The following STT3A variants were observed in gnomAD, a reference collection of about 807,000 sequenced individuals.
The protein encoded by STT3A is dolichyl-diphosphooligosaccharide--protein glycosyltransferase subunit STT3A.
A neutral mutation model predicts 89.2 loss-of-function variants in STT3A; 34 were observed. The observed-to-expected ratio is 0.38, with a 90% CI of 0.29 to 0.51. The LOEUF is 0.51. STT3A is among the 20% of genes least tolerant of loss of function. STT3A has a pLI of 0.89. For synonymous variants in STT3A, 282 were observed against 310.3 expected (o/e 0.91, Z 0.96); for missense variants, 555 against 889.5 (o/e 0.62, Z 4.78).
rs1404166708 is a variant in STT3A, at chr11:125,595,892, G to A, written c.-24G>A. 2 of 1,526,014 alleles carry A rather than the reference G, an allele frequency of 1.3e-6. No individual in the cohort carries two copies. The highest frequency in any genetic ancestry group is 1.8e-6 in the Non-Finnish European group (2 of 1,102,426). 94.5% of individuals were successfully genotyped at this position (1,526,014 alleles called of 1,614,324 possible). On this transcript the variant is annotated 5_prime_UTR_variant, in exon 2 of 18. It adds an upstream start codon to the 5' untranslated region. Transcript: ENST00000392708. ...CTTTTTCATTTTAGCTGATCGTCGT[G>A]TGTTGCCACCCATTCATGTCAAGAT...
rs537718717 is a variant in STT3A, at chr11:125,596,709, T to G, written c.89-350T>G. Among the ~76,000 whole-genome samples the G allele has an allele frequency of 1.1e-3, 165 of 151,640 alleles. No homozygotes were observed. In the South Asian group the frequency reaches 0.014, roughly 13 times the overall value. ...TAATTTTGCTTGCCATACCTATTACTTTGCTCCAAGGTTAAGGTTAGTTAT... is the reference window on the plus strand; with the variant it reads ...TAATTTTGCTTGCCATACCTATTACGTTGCTCCAAGGTTAAGGTTAGTTAT... On this transcript the variant is annotated intron_variant, in intron 2 of 17. Coordinates refer to ENST00000392708, the MANE Select transcript of STT3A (RefSeq NM_152713.5).
upstream of STT3A, chr11:125,591,948 C>T (rs1004011379): frequency 5.0e-5 from 8 of 160,794 alleles, 1 homozygote; most frequent in South Asian, 1.0e-3. Context: ...CCTTCTCTGC[C>T]CTCAGCAAAC....
At chr11:125,612,472 CT>C (rs1382896082) in intron 11 of STT3A, 119 bp from the exon 12 acceptor site, 2 of 1,149,932 alleles carry the variant, frequency 1.7e-6, no homozygotes, top group African/African-American at 3.1e-5. Flanking sequence ...TTCTCTTTCA[CT>C]TTTTGTGGAG....
Position 125,595,801 on chromosome 11 carries a change from A to T in STT3A, c.-35-80A>T. 8.2e-6 allele frequency: 6 copies of T among 733,696 alleles called. No individual in the cohort carries two copies. The South Asian group carries it at 1.0e-4, about 12-fold the overall frequency. The allele number at this position is 733,696 out of a possible 1,614,324, so 45.4% of individuals were successfully genotyped here. ...TTTGCTAGCTCCTACGTCCTTTATG[A>T]TTCCCTCTCATCATAAAATATGAAA... On this transcript the variant is annotated intron_variant, in intron 1 of 17. Coordinates refer to ENST00000392708, the MANE Select transcript of STT3A (RefSeq NM_152713.5).
rs1165509017 is a variant in STT3A at position 125,599,470 on chromosome 11, G to A, written c.149+2351G>A. On this transcript the variant is annotated intron_variant, in intron 3 of 17. Coordinates refer to ENST00000392708, the MANE Select transcript of STT3A (RefSeq NM_152713.5). Reference sequence around the variant, plus strand: ...TGTGTCACCCAGGCTGAAGTTCAGTGGCTCAGTTATGGCTCATGCAGCCTC... The same window carrying A: ...TGTGTCACCCAGGCTGAAGTTCAGTAGCTCAGTTATGGCTCATGCAGCCTC... Among the ~76,000 whole-genome samples the A allele has an allele frequency of 2.6e-5, 4 of 152,254 alleles. No individual in the cohort carries two copies. In the East Asian group the frequency reaches 5.8e-4, roughly 22 times the overall value.
In STT3A at chr11:125,607,639, A is replaced by G. The variant is rs544541419; in HGVS notation, c.781-470A>G. On this transcript the variant is annotated intron_variant, in intron 8 of 17. Coordinates refer to ENST00000392708, the MANE Select transcript of STT3A (RefSeq NM_152713.5). ...GGGGCTCAGCGATCTGTGCTTCGAC[A>G]CTCCTACCTCCTTGGTGACTACGAT... Among the ~76,000 whole-genome samples, 30 of 152,290 alleles carry G rather than the reference A, an allele frequency of 2.0e-4. 1 individual carries two copies. In the South Asian group the frequency reaches 6.0e-3, roughly 31 times the overall value.
At position 125,619,911 on chromosome 11, in the gene STT3A, A is replaced by G. The variant is rs532327497; in HGVS notation, c.1964-100A>G. 25 of 1,004,070 alleles carry G rather than the reference A, an allele frequency of 2.5e-5. No homozygotes were observed. The African/African-American group carries it at 3.7e-4, about 15-fold the overall frequency. The allele number at this position is 1,004,070 out of a possible 1,614,324, so 62.2% of individuals were successfully genotyped here. ...ACTCTCAACAAATTGCAGGCTGAGG[A>G]ATAATCATCAATTAGTAGATGGTTT... On this transcript the variant is annotated intron_variant, in intron 16 of 17. Coordinates refer to ENST00000392708, the MANE Select transcript of STT3A (RefSeq NM_152713.5).
At chr11:125,597,028 C>G (rs1337995913) in intron 2 of STT3A, 31 bp from the exon 3 acceptor site, 2 of 1,611,730 alleles carry the variant, frequency 1.2e-6, no homozygotes, top group Admixed American at 3.3e-5. Context: ...GGCACATTAC[C>G]AATAAAATAT....
chr11:125,620,399 G>T (rs570582797), intron 17 of STT3A, among the ~76,000 whole-genome samples: 3 of 152,176 alleles, frequency 2.0e-5, no homozygotes, highest in African/African-American at 7.2e-5. Context: ...TCAGGCTCAC[G>T]GGTGGGGAGA....
At chr11:125,592,593 C>G, upstream of STT3A, 1 of 426,708 alleles carries the variant, frequency 2.3e-6, no homozygotes, top group Non-Finnish European at 4.7e-6. Flanking sequence ...CGGCCCTCAA[C>G]CAAACTGCTT....
At chr11:125,594,257 G>A (rs530807287) in intron 1 of STT3A, among the ~76,000 whole-genome samples, 2 of 152,192 alleles carry the variant, frequency 1.3e-5, no homozygotes, top group South Asian at 2.1e-4. Context: ...TGTTATAGTC[G>A]TTATAACTTA....
chr11:125,615,200 G>C (rs1237439404), intron 15 of STT3A, among the ~76,000 whole-genome samples: 1 of 152,126 alleles, frequency 6.6e-6, no homozygotes, highest in Non-Finnish European at 1.5e-5. Context: ...TCGGGAGGGA[G>C]AGGTTGCAGT....
intron 3 of STT3A, among the ~76,000 whole-genome samples, chr11:125,598,952 C>T (rs1451610237): frequency 6.6e-6 from 1 of 152,170 alleles, no homozygotes; most frequent in Non-Finnish European, 1.5e-5. Flanking sequence ...CTTTCTCAGA[C>T]CCTCTGAATG....
chr11:125,614,874 G>A lies in STT3A; in HGVS notation c.1774+448G>A, dbSNP rs1271585075. 6.6e-6 allele frequency among the ~76,000 whole-genome samples: 1 copy of A among 151,832 alleles called. No individual in the cohort carries two copies. Among genetic ancestry groups the A allele is most frequent in the African/African-American group, 2.4e-5 (1 of 41,372 alleles). Reference sequence around the variant, plus strand: ...AAATAAAAGTGTGTGTAAAATGGAGGTTACCATGTGCCCTATGATTATTGG... The same window carrying A: ...AAATAAAAGTGTGTGTAAAATGGAGATTACCATGTGCCCTATGATTATTGG... On this transcript the variant is annotated intron_variant, in intron 15 of 17. Transcript: ENST00000392708. This position sits in a 1 kb window ranked among gnomAD's most constrained non-coding sequence, Gnocchi z 4.9.
intron 7 of STT3A, 74 bp from the exon 8 acceptor site, chr11:125,606,227 G>T: frequency 7.4e-7 from 1 of 1,358,006 alleles, no homozygotes; most frequent in South Asian, 1.3e-5. Context: ...AGTCACAGGT[G>T]ATATCCTACA....
At position 125,613,900 on chromosome 11, in the gene STT3A, A is replaced by G; in HGVS notation, c.1555-187A>G. 1 of 566,870 alleles carries G rather than the reference A, an allele frequency of 1.8e-6. No individual in the cohort carries two copies. Among genetic ancestry groups the G allele is most frequent in the Non-Finnish European group, 3.2e-6 (1 of 314,564 alleles). The allele number at this position is 566,870 out of a possible 1,614,324, so 35.1% of individuals were successfully genotyped here. A position where few individuals can be genotyped will look rare whatever the true frequency, so the allele number is the denominator to read the frequency against. ...GGTTTGTTATTTGTGCTGAGATTTT[A>G]TAATTGTATATAAATGGAAGACCAG... On this transcript the variant is annotated intron_variant, in intron 13 of 17. Coordinates refer to ENST00000392708, the MANE Select transcript of STT3A (RefSeq NM_152713.5). The surrounding 1 kb of genome is among the most constrained non-coding windows in gnomAD (Gnocchi z 4.2).
chr11:125,617,723 T>A (rs577089301), intron 15 of STT3A, among the ~76,000 whole-genome samples: 1 of 152,336 alleles, frequency 6.6e-6, no homozygotes, highest in Non-Finnish European at 1.5e-5. Context: ...ATGAGAAGAC[T>A]CATGTCTTGT....
chr11:125,604,919 C>G (rs1939787389), intron 6 of STT3A, among the ~76,000 whole-genome samples: 1 of 152,064 alleles, frequency 6.6e-6, no homozygotes, highest in Non-Finnish European at 1.5e-5. Context: ...TGAGACCAGC[C>G]TGGGCAACCC....
intron 6 of STT3A, among the ~76,000 whole-genome samples, chr11:125,605,300 G>A (rs1939799420): frequency 6.6e-6 from 1 of 152,094 alleles, no homozygotes; most frequent in African/African-American, 2.4e-5. Flanking sequence ...ATGAATGATA[G>A]TATAAGATGT....
Sources: gnomAD v4.1 joint callset for allele counts (sites outside exome capture counted in the v4.1 genomes callset) on GRCh38, gnomAD v4.1.1 for gene constraint, Gnocchi (gnomAD v3.1) non-coding constraint, MANE v1.5 for transcripts, NCBI Gene and HGNC (gene_info 2026-07-23, HGNC 2026-07-21) for gene names.